CNTN4: variants seen among roughly 807,000 people sequenced by gnomAD.
CNTN4 encodes the protein contactin-4.
Under a neutral mutation model 122.5 loss-of-function variants are expected in CNTN4, and 77 were observed. That is an observed-to-expected ratio of 0.63 (90% CI 0.52 to 0.76). The LOEUF is 0.76. CNTN4 is among the 30% of genes least tolerant of loss of function. CNTN4 has a pLI of 0.00. For missense variants in CNTN4, 1,256 were observed against 1,259.1 expected (o/e 1.00, Z 0.04); for synonymous variants, 512 against 447.0 (o/e 1.15, Z -1.83).
At chr3:2,544,015 A>C (rs899868833) in intron 3 of CNTN4, among the ~76,000 whole-genome samples, 1 of 152,152 alleles carries the variant, frequency 6.6e-6, no homozygotes, top group African/African-American at 2.4e-5. Context: ...TTGAGAACAC[A>C]CAAGAGAATC....
rs1327885626 is a variant in CNTN4, at chr3:2,806,411, GGGAGGGCT to G, written c.359-13073_359-13066del. 3.3e-5 allele frequency among the ~76,000 whole-genome samples: 5 copies of G among 152,182 alleles called. 1 individual carries two copies. Among genetic ancestry groups the G allele is most frequent in the African/African-American group, 1.2e-4 (5 of 41,456 alleles). The stretch of plus-strand genomic sequence containing the variant: ...TGGCACCACAAGTAATATTGACGAA[GGGAGGGCT>G]GTCAGGCCGCACAAAGGATGGTAAG... On this transcript the variant is annotated intron_variant, in intron 6 of 24. Transcript: ENST00000418658.
intron 3 of CNTN4, among the ~76,000 whole-genome samples, chr3:2,441,757 C>T (rs1263572855): frequency 6.6e-6 from 1 of 152,100 alleles, no homozygotes. Flanking sequence ...TACCCAAGGA[C>T]ACTGGCAACG....
intron 13 of CNTN4, among the ~76,000 whole-genome samples, chr3:2,942,878 C>G (rs140089903): frequency 6.6e-6 from 1 of 152,178 alleles, no homozygotes; most frequent in African/African-American, 2.4e-5. Flanking sequence ...CATCAAGGGA[C>G]TAGGGTTTCA....
At chr3:3,039,956 T>A in intron 19 of CNTN4, 81 bp from the exon 20 acceptor site, 2 of 937,098 alleles carry the variant, frequency 2.1e-6, no homozygotes, top group South Asian at 1.3e-5. Context: ...TAGACAAGAA[T>A]GTTACAAGGG....
At chr3:2,620,984 A>T (rs1385351340) in intron 4 of CNTN4, among the ~76,000 whole-genome samples, 2 of 152,226 alleles carry the variant, frequency 1.3e-5, no homozygotes, top group African/African-American at 4.8e-5. Flanking sequence ...GAAAGTACAT[A>T]TTTGAGGCTG....
chr3:2,493,207 T>G (rs780410099), intron 3 of CNTN4, among the ~76,000 whole-genome samples: 53 of 152,238 alleles, frequency 3.5e-4, no homozygotes, highest in Non-Finnish European at 6.0e-4. Flanking sequence ...GTCCATACTC[T>G]CAAAATAACT....
At chr3:2,677,482 A>ATATCTATC (rs68070708) in intron 4 of CNTN4, among the ~76,000 whole-genome samples, 11,289 of 121,846 alleles carry the variant, frequency 0.093, 1,546 homozygotes, top group African/African-American at 0.15. Context: ...CTATCCATCT[A>ATATCTATC]TATCTATCTA....
chr3:2,639,989 T>A (rs753252071), intron 4 of CNTN4, among the ~76,000 whole-genome samples: 20 of 152,356 alleles, frequency 1.3e-4, no homozygotes, highest in Non-Finnish European at 2.8e-4. Context: ...TTTTAAAGAA[T>A]TTAGTTAATT....
chr3:2,527,078 A>C (rs1430118745), intron 3 of CNTN4, among the ~76,000 whole-genome samples: 2 of 152,128 alleles, frequency 1.3e-5, no homozygotes, highest in Non-Finnish European at 2.9e-5. Context: ...GGCATTCCTT[A>C]AGAATGAGGT....
At chr3:2,966,079 A>C (rs1692278016) in intron 13 of CNTN4, among the ~76,000 whole-genome samples, 1 of 152,172 alleles carries the variant, frequency 6.6e-6, no homozygotes. Flanking sequence ...TGACTGAGAC[A>C]CTACCATAGG....
In CNTN4 at chr3:2,922,674, A is replaced by G. The variant is rs1055984025; in HGVS notation, c.1208-2955A>G. 2.2e-5 allele frequency among the ~76,000 whole-genome samples: 3 copies of G among 134,672 alleles called. No homozygotes were observed. The South Asian group carries it at 7.0e-4, about 31-fold the overall frequency. 88.4% of individuals were successfully genotyped at this position (134,672 alleles called of 152,430 possible). Reference sequence around the variant, plus strand: ...GTCCCCCAGGCTGGAGTGCAGTGGCACGATCTTGGCTCACTGCAATCTCCA... The same window carrying G: ...GTCCCCCAGGCTGGAGTGCAGTGGCGCGATCTTGGCTCACTGCAATCTCCA... On this transcript the variant is annotated intron_variant, in intron 12 of 24. Transcript: ENST00000418658.
At chr3:2,999,101 A>G (rs909012883) in intron 14 of CNTN4, 5 of 152,224 alleles carry the variant, frequency 3.3e-5, no homozygotes, top group Non-Finnish European at 2.9e-5. Flanking sequence ...TTAACTGTGT[A>G]TGTATCTGTT....
At chr3:2,581,436 A>C (rs1250057030) in intron 4 of CNTN4, among the ~76,000 whole-genome samples, 3 of 152,170 alleles carry the variant, frequency 2.0e-5, no homozygotes, top group African/African-American at 4.8e-5. Flanking sequence ...AATTTTACAT[A>C]TGAGAATCTG....
chr3:2,816,988 A>T (rs977697826), intron 6 of CNTN4, among the ~76,000 whole-genome samples: 9 of 152,228 alleles, frequency 5.9e-5, no homozygotes, highest in African/African-American at 1.9e-4. Flanking sequence ...CCATTTACAC[A>T]CATAGCTCTT....
At chr3:2,894,948 G>A (rs1214809378) in intron 10 of CNTN4, among the ~76,000 whole-genome samples, 1 of 152,168 alleles carries the variant, frequency 6.6e-6, no homozygotes, top group Non-Finnish European at 1.5e-5. Flanking sequence ...TGGACAGAAA[G>A]TAAGAGATGT....
intron 3 of CNTN4, among the ~76,000 whole-genome samples, chr3:2,371,510 C>T (rs770712469): frequency 2.6e-5 from 4 of 152,022 alleles, no homozygotes; most frequent in African/African-American, 7.3e-5. Context: ...AAAGAGCACC[C>T]GATTTTGTCC....
intron 3 of CNTN4, among the ~76,000 whole-genome samples, chr3:2,563,614 A>G (rs1179789120): frequency 6.6e-6 from 1 of 152,182 alleles, no homozygotes; most frequent in African/African-American, 2.4e-5. Flanking sequence ...ACAAATACAT[A>G]AGCTTCATAT....
chr3:2,924,672 T>A (rs2094457087), intron 12 of CNTN4, among the ~76,000 whole-genome samples: 1 of 152,202 alleles, frequency 6.6e-6, no homozygotes, highest in Non-Finnish European at 1.5e-5. Context: ...CATGAGTGAA[T>A]TTTTTAGAAC....
intron 3 of CNTN4, among the ~76,000 whole-genome samples, chr3:2,393,266 A>G (rs71309895): frequency 0.16 from 24,079 of 152,044 alleles, 2,414 homozygotes; most frequent in Non-Finnish European, 0.23. Flanking sequence ...CCCTATGACC[A>G]TATCTTAATT....
Sources: allele counts gnomAD v4.1 joint callset (sites outside exome capture counted in the v4.1 genomes callset), GRCh38; gene constraint gnomAD v4.1.1; transcripts MANE v1.5; gene names NCBI Gene and HGNC (gene_info 2026-07-23, HGNC 2026-07-21).